MINDY4: variants seen among roughly 807,000 people sequenced by gnomAD.
MINDY4 encodes MINDY lysine 48 deubiquitinase 4.
In MINDY4, 68 loss-of-function variants were observed where a neutral mutation model predicts 87.0. The observed-to-expected ratio is 0.78, with a 90% CI of 0.64 to 0.96. MINDY4 has a LOEUF of 0.96. MINDY4 is among the 40% of genes least tolerant of loss of function. The pLI is 0.00. For missense variants in MINDY4, 919 were observed against 928.2 expected (o/e 0.99, Z 0.13); for synonymous variants, 379 against 363.2 (o/e 1.04, Z -0.50).
chr7:30,868,996 G>A (rs1388350307), intron 13 of MINDY4, among the ~76,000 whole-genome samples: 1 of 152,186 alleles, frequency 6.6e-6, no homozygotes, highest in Non-Finnish European at 1.5e-5. Flanking sequence ...TCTCCTTTGT[G>A]CTTATTGGAT....
At chr7:30,783,918 T>C (rs1787076702) in intron 3 of MINDY4, among the ~76,000 whole-genome samples, 2 of 152,220 alleles carry the variant, frequency 1.3e-5, no homozygotes, top group African/African-American at 4.8e-5. Flanking sequence ...ATTGGCATTC[T>C]TGATTGAACC....
chr7:30,853,356 G>T (rs34611979), intron 11 of MINDY4, 38 bp from the exon 12 acceptor site: 9 of 1,580,054 alleles, frequency 5.7e-6, no homozygotes, highest in Admixed American at 1.7e-5. Context: ...ACTGCGTGGG[G>T]CTTGGGCCAC....
intron 1 of MINDY4, among the ~76,000 whole-genome samples, chr7:30,775,056 TCA>T (rs958408320): frequency 2.0e-5 from 3 of 152,164 alleles, no homozygotes; most frequent in Admixed American, 6.5e-5. Context: ...GTGTTTCTGC[TCA>T]CACTTCAGAC....
At chr7:30,787,440 G>A (rs564632929) in intron 4 of MINDY4, among the ~76,000 whole-genome samples, 2 of 152,324 alleles carry the variant, frequency 1.3e-5, no homozygotes, top group African/African-American at 2.4e-5. Flanking sequence ...AGATTTCTTC[G>A]AATATGGAGG....
At chr7:30,804,605 A>G (rs1787752423) in intron 5 of MINDY4, among the ~76,000 whole-genome samples, 1 of 152,210 alleles carries the variant, frequency 6.6e-6, no homozygotes, top group South Asian at 2.1e-4. Flanking sequence ...GGATAGTTTC[A>G]GGGATAATTA....
At chr7:30,843,416 A>G (rs1325665592) in intron 9 of MINDY4, among the ~76,000 whole-genome samples, 1 of 152,182 alleles carries the variant, frequency 6.6e-6, no homozygotes, top group Non-Finnish European at 1.5e-5. Context: ...TGGCCCTTGC[A>G]GGAGATTGTC....
At chr7:30,844,138 C>T (rs1378421698) in intron 9 of MINDY4, among the ~76,000 whole-genome samples, 2 of 152,168 alleles carry the variant, frequency 1.3e-5, no homozygotes, top group Non-Finnish European at 2.9e-5. Context: ...CGGCTGCTGC[C>T]CCATCACAGA....
intron 5 of MINDY4, 136 bp downstream of exon 5, chr7:30,791,710 A>G: frequency 1.0e-6 from 1 of 966,228 alleles, no homozygotes. Context: ...AGTAACCGGC[A>G]AGGTAGAGTT....
chr7:30,865,911 TAGAA>T (rs1391035558), intron 13 of MINDY4, among the ~76,000 whole-genome samples: 1 of 152,128 alleles, frequency 6.6e-6, no homozygotes, highest in African/African-American at 2.4e-5. Context: ...TCTGCTGACT[TAGAA>T]AGAGAGGTGG....
chr7:30,881,639 C>T (rs984648425), intron 15 of MINDY4, among the ~76,000 whole-genome samples: 11 of 152,148 alleles, frequency 7.2e-5, no homozygotes, highest in Admixed American at 2.0e-4. Context: ...AGAGGTGCTG[C>T]GGCTGAGGTG....
At chr7:30,868,424 G>C (rs1037425231) in intron 13 of MINDY4, among the ~76,000 whole-genome samples, 2 of 152,332 alleles carry the variant, frequency 1.3e-5, no homozygotes, top group Non-Finnish European at 2.9e-5. Context: ...GCTTTTGAGA[G>C]AAAGATGCAT....
intron 13 of MINDY4, among the ~76,000 whole-genome samples, chr7:30,866,938 TC>T (rs2128576748): frequency 6.6e-6 from 1 of 152,240 alleles, no homozygotes; most frequent in South Asian, 2.1e-4. Flanking sequence ...CCTCCTGGGC[TC>T]CCATCCTAGC....
intron 5 of MINDY4, among the ~76,000 whole-genome samples, chr7:30,827,992 A>T (rs922921222): frequency 8.5e-5 from 13 of 152,194 alleles, no homozygotes; most frequent in African/African-American, 2.9e-4. Flanking sequence ...ATTTTACTTT[A>T]GTTCAGGTCA....
At chr7:30,880,970 C>T (rs1047079602) in intron 15 of MINDY4, among the ~76,000 whole-genome samples, 3 of 152,192 alleles carry the variant, frequency 2.0e-5, no homozygotes, top group South Asian at 2.1e-4. Context: ...ATGGGAGCTG[C>T]TCACCCACTC....
intron 5 of MINDY4, among the ~76,000 whole-genome samples, chr7:30,805,112 C>G (rs1021459526): frequency 2.6e-5 from 4 of 152,210 alleles, no homozygotes; most frequent in Non-Finnish European, 4.4e-5. Flanking sequence ...CAAGGTGAGT[C>G]TAGGGGTGCA....
At chr7:30,796,761 T>A (rs1469669628) in intron 5 of MINDY4, 1 of 152,162 alleles carries the variant, frequency 6.6e-6, no homozygotes, top group Non-Finnish European at 1.5e-5. Flanking sequence ...TAAATAGGCA[T>A]GCTCCTCCTG....
At position 30,782,026 on chromosome 7, in the gene MINDY4, T is replaced by A; in HGVS notation, c.233T>A (p.Phe78Tyr). The part of the protein sequence containing the change: ...KTSLELITRY[F>Y]LDHFGNTANN... ...AGCCTTGAACTCATCACCAGATACT[T>A]TCTGGATCACTTTGGAAATACGGCT... The change falls in exon 3 of 18, where the codon TTT becomes TAT. Residue 78 changes from phenylalanine (F) to tyrosine (Y), a missense_variant. Physicochemically the swap from Phe to Tyr is conservative, Grantham distance 22. Transcript: ENST00000265299. 2 of 1,614,130 alleles carry A rather than the reference T, an allele frequency of 1.2e-6. No homozygotes were observed. The highest frequency in any genetic ancestry group is 1.7e-6 in the Non-Finnish European group (2 of 1,180,024).
Position 30,875,355 on chromosome 7 carries a change from A to G in MINDY4, c.1810-140A>G, listed in dbSNP as rs577602193. 1.3e-5 allele frequency: 12 copies of G among 953,714 alleles called. 2 individuals carry two copies. The African/African-American group carries it at 1.8e-4, about 14-fold the overall frequency. The allele number at this position is 953,714 out of a possible 1,614,324, so 59.1% of individuals were successfully genotyped here. ...CAGGACTTGTGGGAGAATTGAAGTC[A>G]CAGCCTCCTCTGCTCTCAGGCTCTC... On this transcript the variant is annotated intron_variant, in intron 14 of 17. Coordinates refer to ENST00000265299, the MANE Select transcript of MINDY4 (RefSeq NM_032222.3).
chr7:30,881,377 T>C (rs907866300), intron 15 of MINDY4, among the ~76,000 whole-genome samples: 2 of 152,196 alleles, frequency 1.3e-5, no homozygotes, highest in African/African-American at 4.8e-5. Context: ...CTTGGAATGC[T>C]CCTTATCCAA....
Sources: allele counts gnomAD v4.1 joint callset (sites outside exome capture counted in the v4.1 genomes callset), GRCh38; gene constraint gnomAD v4.1.1; transcripts MANE v1.5; gene names NCBI Gene and HGNC (gene_info 2026-07-23, HGNC 2026-07-21).